DLAT: variants seen among roughly 807,000 people sequenced by gnomAD.
DLAT encodes the protein dihydrolipoamide S-acetyltransferase.
Under a neutral mutation model 68.0 loss-of-function variants are expected in DLAT, and 43 were observed. The ratio of observed to expected loss-of-function variants is 0.63; its 90% CI spans 0.50 to 0.81. The LOEUF is 0.81. Ranked by LOEUF, DLAT falls within the 40% of genes least tolerant of loss-of-function variation. DLAT has a pLI of 0.00. For synonymous variants in DLAT, 265 were observed against 288.6 expected, an observed-to-expected ratio of 0.92 and a Z score of 0.83; for missense variants, 745 against 815.4, an observed-to-expected ratio of 0.91 and a Z score of 1.05.
At chr11:112,048,494 C>T (rs1863441698) in intron 10 of DLAT, among the ~76,000 whole-genome samples, 1 of 152,160 alleles carries the variant, frequency 6.6e-6, no homozygotes, top group Admixed American at 6.6e-5. Context: ...CCAGAACTTC[C>T]AATACTATGC....
At position 112,037,363 on chromosome 11, in the gene DLAT, T is replaced by C. The variant is rs376049748; in HGVS notation, c.878T>C (p.Ile293Thr). The C allele has an allele frequency of 1.9e-6, 3 of 1,614,034 alleles. No individual in the cohort carries two copies. The African/African-American group carries it at 4.0e-5, about 22-fold the overall frequency. The stretch of plus-strand genomic sequence containing the variant: ...CCTCTAGGAACCCCACTCTGTATCA[T>C]TGTAGAAAAAGAGGCAGATATATCA... Reference protein sequence around the residue: ...DVPLGTPLCIIVEKEADISAF... With the variant: ...DVPLGTPLCITVEKEADISAF... The change falls in exon 6 of 14, where the codon ATT becomes ACT. Residue 293 changes from isoleucine to threonine, a missense_variant. Transcript: ENST00000280346.
At chr11:112,042,219 G>A (rs377465455) in intron 7 of DLAT, among the ~76,000 whole-genome samples, 20 of 152,252 alleles carry the variant, frequency 1.3e-4, no homozygotes, top group South Asian at 6.2e-4. Context: ...CTGTTGTGCC[G>A]CCCAAGAGAG....
Position 112,059,950 on chromosome 11 carries a change from T to C in DLAT, c.1562T>C (p.Leu521Pro). Residue 521 changes from leucine (L) to proline (P), a missense_variant, in exon 12 of 14, where the codon CTC becomes CCC. Transcript: ENST00000280346. ...GTTGCGGTCAGTACTCCTGCAGGAC[T>C]CATCACACCTATTGTGTTTAATGCA... ...VSVAVSTPAG[L>P]ITPIVFNAHI... 1 of 1,613,694 alleles carries C rather than the reference T, an allele frequency of 6.2e-7. No individual in the cohort carries two copies. The highest frequency in any genetic ancestry group is 8.5e-7 in the Non-Finnish European group (1 of 1,179,770).
intron 4 of DLAT, among the ~76,000 whole-genome samples, chr11:112,033,139 G>A (rs1226420775): frequency 2.0e-5 from 3 of 152,182 alleles, no homozygotes; most frequent in Admixed American, 6.5e-5. Flanking sequence ...TTGACTGTCT[G>A]AAAGAAATCT....
intron 6 of DLAT, 48 bp downstream of exon 6, chr11:112,037,508 A>G (rs1342133666): frequency 6.3e-7 from 1 of 1,583,792 alleles, no homozygotes; most frequent in Non-Finnish European, 8.7e-7. Flanking sequence ...GTTCATCTCT[A>G]AATTAAGGAG....
chr11:112,056,427 T>C (rs147770461), intron 11 of DLAT, among the ~76,000 whole-genome samples: 3 of 152,348 alleles, frequency 2.0e-5, no homozygotes, highest in African/African-American at 4.8e-5. Flanking sequence ...TTTATAGAAA[T>C]GGAGTCATAA....
chr11:112,049,619 G>T (rs587740248), intron 10 of DLAT, among the ~76,000 whole-genome samples: 1 of 151,072 alleles, frequency 6.6e-6, no homozygotes, highest in African/African-American at 2.4e-5. Context: ...TGAGAAGGGC[G>T]GAAGAGTAGA....
rs781970601 is a variant in DLAT, at chr11:112,025,737, C to G, written c.265C>G (p.Pro89Ala). Residue 89 changes from proline to alanine, a missense_variant, in exon 1 of 14, where the codon CCC becomes GCC. By Grantham distance (27) the Pro-to-Ala change is conservative. Transcript: ENST00000280346. ...GSPGRRYYSL[P>A]PHQKVPLPSL... is the part of the protein sequence containing the mutation. ...GCCCGGCCGCCGCTATTACAGTCTT[C>G]CCCCGCATCAGAAGGTGAGCCCTAG... 6.2e-7 allele frequency: 1 copy of G among 1,613,300 alleles called. No homozygotes were observed. The highest frequency in any genetic ancestry group is 8.5e-7 in the Non-Finnish European group (1 of 1,179,964).
Position 112,044,266 on chromosome 11 carries a change from C to T in DLAT, c.1197+733C>T, listed in dbSNP as rs148729615. 3.9e-5 allele frequency among the ~76,000 whole-genome samples: 6 copies of T among 152,262 alleles called. No homozygotes were observed. In the East Asian group the frequency reaches 7.7e-4, roughly 20 times the overall value. On this transcript the variant is annotated intron_variant, in intron 8 of 13. Coordinates refer to ENST00000280346, the MANE Select transcript of DLAT (RefSeq NM_001931.5). Reference sequence around the variant, plus strand: ...CTGGAGTGCAGTGGCGCGATCTTGGCTCATTGCAACCTCTGCCTCCTGGAT... The same window carrying T: ...CTGGAGTGCAGTGGCGCGATCTTGGTTCATTGCAACCTCTGCCTCCTGGAT...
chr11:112,041,952 A>T (rs1250660469), intron 7 of DLAT, among the ~76,000 whole-genome samples: 1 of 152,162 alleles, frequency 6.6e-6, no homozygotes, highest in Non-Finnish European at 1.5e-5. Context: ...ATGAGATTGG[A>T]AAAAAACAGG....
chr11:112,049,575 T>TG (rs1291914169), intron 10 of DLAT, among the ~76,000 whole-genome samples: 2 of 151,796 alleles, frequency 1.3e-5, no homozygotes, highest in Non-Finnish European at 2.9e-5. Context: ...ATGATTGATT[T>TG]TTTTTTTTTT....
intron 7 of DLAT, 71 bp downstream of exon 7, chr11:112,039,468 A>G (rs1862942932): frequency 1.4e-6 from 2 of 1,476,294 alleles, no homozygotes; most frequent in Non-Finnish European, 1.9e-6. Flanking sequence ...AAGACTTGCA[A>G]GTACAACTAT....
chr11:112,028,253 T>A (rs1555179599), intron 2 of DLAT, among the ~76,000 whole-genome samples: 1 of 151,998 alleles, frequency 6.6e-6, no homozygotes, highest in Non-Finnish European at 1.5e-5. Flanking sequence ...ACCCCGTCTC[T>A]GCTAAAAATA....
intron 11 of DLAT, among the ~76,000 whole-genome samples, chr11:112,058,423 T>C (rs1555182815): frequency 6.6e-6 from 1 of 152,158 alleles, no homozygotes; most frequent in Non-Finnish European, 1.5e-5. Context: ...GGGGATTTGG[T>C]ACCCACTGAT....
chr11:112,061,090 C>G lies in DLAT; in HGVS notation c.1730C>G (p.Ser577Cys). 2 of 1,613,478 alleles carry G rather than the reference C, an allele frequency of 1.2e-6. No individual in the cohort carries two copies. Among genetic ancestry groups the G allele is most frequent in the Non-Finnish European group, 1.7e-6 (2 of 1,179,634 alleles). ...GGAATGTTTGGAATTAAGAATTTCT[C>G]TGCTATTATTAACCCACCTCAAGCA... ...NLGMFGIKNF[S>C]AIINPPQACI... is the part of the protein sequence containing the mutation. Residue 577 changes from serine (S) to cysteine (C), a missense_variant, in exon 13 of 14, where the codon TCT (serine) becomes TGT (cysteine). Transcript: ENST00000280346.
chr11:112,056,841 C>T (rs782212869), intron 11 of DLAT, among the ~76,000 whole-genome samples: 1 of 152,120 alleles, frequency 6.6e-6, no homozygotes, highest in African/African-American at 2.4e-5. Context: ...TATTTGTTAC[C>T]GTGTGGGTGT....
At chr11:112,046,263 G>A (rs1340028366) in intron 10 of DLAT, among the ~76,000 whole-genome samples, 1 of 151,984 alleles carries the variant, frequency 6.6e-6, no homozygotes, top group Non-Finnish European at 1.5e-5. Flanking sequence ...TTATATTCAG[G>A]TCTTTGCTCT....
rs782353168 is a variant in DLAT, at chr11:112,061,134, G to A, written c.1774G>A (p.Ala592Thr). Residue 592 changes from alanine to threonine, a missense_variant, in exon 13 of 14, where the codon GCT becomes ACT. Ala to Thr is a moderately conservative substitution (Grantham distance 58). Coordinates refer to ENST00000280346, the MANE Select transcript of DLAT (RefSeq NM_001931.5). ...PPQACILAIGASEDKLVPADN... is the reference protein window; with the variant it reads ...PPQACILAIGTSEDKLVPADN... Reference sequence around the variant, plus strand: ...TCAAGCATGTATTTTGGCAATTGGTGCTTCAGAGGATAAACTGGTCCCTGC... The same window carrying A: ...TCAAGCATGTATTTTGGCAATTGGTACTTCAGAGGATAAACTGGTCCCTGC... 2.5e-6 allele frequency: 4 copies of A among 1,614,104 alleles called. No homozygotes were observed. The East Asian group carries it at 8.9e-5, about 36-fold the overall frequency.
chr11:112,031,662 C>T (rs1311109978), intron 4 of DLAT, among the ~76,000 whole-genome samples: 1 of 151,988 alleles, frequency 6.6e-6, no homozygotes. Flanking sequence ...GTAGCCTTGA[C>T]CTCCTGGCTC....
Sources: allele counts gnomAD v4.1 joint callset (sites outside exome capture counted in the v4.1 genomes callset), GRCh38; gene constraint gnomAD v4.1.1; transcripts MANE v1.5; gene names NCBI Gene and HGNC (gene_info 2026-07-23, HGNC 2026-07-21).